SLC35F4: variants seen among roughly 807,000 people sequenced by gnomAD.
SLC35F4 encodes the protein solute carrier family 35 member F4.
A neutral mutation model predicts 44.2 loss-of-function variants in SLC35F4; 24 were observed. That is an observed-to-expected ratio of 0.54 (90% CI 0.39 to 0.76). The LOEUF (loss-of-function observed/expected upper bound fraction) is 0.76, where lower values mean the gene tolerates loss of function less well. SLC35F4 is among the 30% of genes least tolerant of loss of function. The probability of loss-of-function intolerance (pLI) is 0.00; values close to 1 mark genes in which losing one functional copy is unlikely to be tolerated. For missense variants in SLC35F4, 562 were observed against 586.1 expected (o/e 0.96, Z 0.42); for synonymous variants, 238 against 223.6 (o/e 1.06, Z -0.57).
At chr14:57,942,822 C>G (rs1238998788) in intron 1 of SLC35F4, among the ~76,000 whole-genome samples, 2 of 152,160 alleles carry the variant, frequency 1.3e-5, no homozygotes, top group African/African-American at 4.8e-5. Context: ...TGTCATTTAC[C>G]AAGCAATTTC....
intron 1 of SLC35F4, among the ~76,000 whole-genome samples, chr14:57,935,131 G>A (rs1330049961): frequency 6.6e-6 from 1 of 152,220 alleles, no homozygotes; most frequent in Non-Finnish European, 1.5e-5. Flanking sequence ...GGAGGAGTGA[G>A]TGAGGGTGGT....
intron 1 of SLC35F4, among the ~76,000 whole-genome samples, chr14:57,816,905 T>C (rs944159494): frequency 6.6e-6 from 1 of 152,176 alleles, no homozygotes; most frequent in Non-Finnish European, 1.5e-5. Flanking sequence ...CCCTCCTCTG[T>C]TTTATTCTTT....
intron 1 of SLC35F4, among the ~76,000 whole-genome samples, chr14:57,734,536 C>G (rs2076419794): frequency 6.6e-6 from 1 of 152,130 alleles, no homozygotes; most frequent in Non-Finnish European, 1.5e-5. Context: ...AGACTTTTCT[C>G]CATGCAATCC....
At chr14:57,943,667 A>G (rs1889955846) in intron 1 of SLC35F4, among the ~76,000 whole-genome samples, 1 of 152,188 alleles carries the variant, frequency 6.6e-6, no homozygotes, top group Non-Finnish European at 1.5e-5. Flanking sequence ...AGACTTCCCC[A>G]GCCCCGATGT....
At chr14:57,658,529 C>T (rs943770334) in intron 1 of SLC35F4, among the ~76,000 whole-genome samples, 3 of 152,134 alleles carry the variant, frequency 2.0e-5, no homozygotes. Context: ...GAAAATGAAA[C>T]AGCAGACATA....
intron 1 of SLC35F4, among the ~76,000 whole-genome samples, chr14:57,608,800 C>CG (rs754213459): frequency 1.3e-4 from 1 of 7,964 alleles, no homozygotes; most frequent in African/African-American, 2.3e-4. Context: ...GGGGGGGCGG[C>CG]GGGGGGAGAG....
chr14:57,978,249 C>T (rs1307512910), intron 1 of SLC35F4, among the ~76,000 whole-genome samples: 1 of 152,144 alleles, frequency 6.6e-6, no homozygotes, highest in Non-Finnish European at 1.5e-5. Flanking sequence ...TATAGAGCAT[C>T]ATCCCTTTCA....
At chr14:57,921,895 G>A (rs1889451597) in intron 1 of SLC35F4, among the ~76,000 whole-genome samples, 1 of 152,182 alleles carries the variant, frequency 6.6e-6, no homozygotes, top group Admixed American at 6.5e-5. Flanking sequence ...TTAGGTTGGG[G>A]AAGGCAAAAT....
intron 1 of SLC35F4, among the ~76,000 whole-genome samples, chr14:57,644,480 ATT>A (rs939593330): frequency 6.6e-6 from 1 of 151,136 alleles, no homozygotes; most frequent in African/African-American, 2.4e-5. Context: ...TTCCTTGTAA[ATT>A]TGTTTGAGTT....
intron 1 of SLC35F4, among the ~76,000 whole-genome samples, chr14:57,694,081 G>C (rs990023599): frequency 5.3e-5 from 8 of 152,130 alleles, no homozygotes; most frequent in African/African-American, 1.9e-4. Context: ...TCAATCATTT[G>C]TAACATAGTC....
In SLC35F4 at chr14:57,913,112, T is replaced by C. The variant is rs808216; in HGVS notation, n.282+68801A>G. On this transcript the variant is annotated intron_variant and non_coding_transcript_variant, in intron 1 of 1. Transcript: ENST00000556568. ...CACTTTCTTTTCATTACTGTTAGTA[T>C]GATATATCTTTTTCAATCCCTTTCC... Among the ~76,000 whole-genome samples the C allele has an allele frequency of 5.5e-3, 840 of 152,214 alleles. 6 individuals carry two copies. The highest frequency in any genetic ancestry group is 8.8e-3 in the Non-Finnish European group (595 of 67,926).
intron 1 of SLC35F4, among the ~76,000 whole-genome samples, chr14:57,729,301 A>G (rs74592663): frequency 0.039 from 5,979 of 152,218 alleles, 142 homozygotes; most frequent in South Asian, 0.082. Flanking sequence ...TTTCTCAAAC[A>G]GAAGGAAAGA....
In SLC35F4 at chr14:57,877,211, C is replaced by A. The variant is rs1466438006; in HGVS notation, n.282+104702G>T. On this transcript the variant is annotated intron_variant and non_coding_transcript_variant, in intron 1 of 1. Coordinates refer to the SLC35F4 transcript ENST00000556568. The stretch of plus-strand genomic sequence containing the variant: ...TGTCTATTGTTCTCTTCTTTGTGTC[C>A]ATGTATATTCAGTATTTAGCTCCCA... Among the ~76,000 whole-genome samples the A allele has an allele frequency of 2.0e-5, 3 of 152,080 alleles. No individual in the cohort carries two copies. In the East Asian group the frequency reaches 5.8e-4, roughly 29 times the overall value.
chr14:57,889,987 G>T (rs1157072015), intron 1 of SLC35F4, among the ~76,000 whole-genome samples: 3 of 152,166 alleles, frequency 2.0e-5, no homozygotes, highest in African/African-American at 7.2e-5. Flanking sequence ...CTGATCATTT[G>T]TATTACTGTT....
intron 1 of SLC35F4, among the ~76,000 whole-genome samples, chr14:57,900,040 G>T (rs2783233): frequency 0.54 from 82,176 of 151,880 alleles, 24,324 homozygotes; most frequent in African/African-American, 0.79. Flanking sequence ...TTTTTCCCAA[G>T]CCTCCCTGCG....
At chr14:57,868,478 A>ATT (rs35866620), upstream of SLC35F4, among the ~76,000 whole-genome samples, 10,707 of 145,828 alleles carry the variant, frequency 0.073, 503 homozygotes, top group African/African-American at 0.14. Context: ...AGAAAGGATA[A>ATT]TTTTTTTTTT....
intron 1 of SLC35F4, chr14:57,604,052 A>G (rs1412951690): frequency 6.6e-6 from 1 of 152,202 alleles, no homozygotes; most frequent in African/African-American, 2.4e-5. Flanking sequence ...CCTTTAAGAC[A>G]GTGTAGCTGG....
chr14:57,697,669 C>T (rs2075421370), intron 1 of SLC35F4, among the ~76,000 whole-genome samples: 1 of 149,754 alleles, frequency 6.7e-6, no homozygotes, highest in African/African-American at 2.5e-5. Context: ...CCACTGCATG[C>T]CAACCTGGGT....
At chr14:57,623,421 G>T (rs550266321) in intron 1 of SLC35F4, among the ~76,000 whole-genome samples, 1 of 152,080 alleles carries the variant, frequency 6.6e-6, no homozygotes, top group African/African-American at 2.4e-5. Context: ...AATTAACAAG[G>T]ATATCCACGA....
Sources: allele counts gnomAD v4.1 joint callset (sites outside exome capture counted in the v4.1 genomes callset), GRCh38; gene constraint gnomAD v4.1.1; transcripts MANE v1.5; gene names NCBI Gene and HGNC (gene_info 2026-07-23, HGNC 2026-07-21).